MIOS: variants seen among roughly 807,000 people sequenced by gnomAD.
The protein encoded by MIOS is meiosis regulator for oocyte development.
Under a neutral mutation model 96.9 loss-of-function variants are expected in MIOS, and 52 were observed. The ratio of observed to expected loss-of-function variants is 0.54; its 90% CI spans 0.43 to 0.68. The LOEUF is 0.68. MIOS is among the 30% of genes least tolerant of loss of function. The pLI is 0.00. For missense variants in MIOS, 1,005 were observed against 1,052.8 expected (o/e 0.95, Z 0.63); for synonymous variants, 397 against 359.5 (o/e 1.10, Z -1.18).
chr7:7,580,288 C>T (rs1156985755), intron 5 of MIOS, among the ~76,000 whole-genome samples: 4 of 152,172 alleles, frequency 2.6e-5, no homozygotes, highest in Non-Finnish European at 5.9e-5. Flanking sequence ...AATCCACTTT[C>T]ATAAGCTAAA....
intron 5 of MIOS, among the ~76,000 whole-genome samples, chr7:7,580,448 A>G (rs1278418798): frequency 1.3e-5 from 2 of 152,196 alleles, no homozygotes; most frequent in Non-Finnish European, 2.9e-5. Context: ...ATAGTTTCCA[A>G]TAGTCAGGTT....
At chr7:7,586,696 G>C (rs995911399) in intron 7 of MIOS, among the ~76,000 whole-genome samples, 1 of 152,090 alleles carries the variant, frequency 6.6e-6, no homozygotes, top group Non-Finnish European at 1.5e-5. Flanking sequence ...TGCACTTTAT[G>C]TACTTTATTA....
rs184232278 is a variant in MIOS, at chr7:7,578,747, G to A, written c.1394-4371G>A. ...TTTTGGAGACAGAGTCTCTCTCTCT[G>A]TCACCCAGGCTGGAGTGCAGTGACA... On this transcript the variant is annotated intron_variant, in intron 5 of 12. Coordinates refer to ENST00000340080, the MANE Select transcript of MIOS (RefSeq NM_019005.4). 1.1e-4 allele frequency among the ~76,000 whole-genome samples: 16 copies of A among 151,634 alleles called. No homozygotes were observed. In the East Asian group the frequency reaches 3.1e-3, roughly 29 times the overall value.
At chr7:7,568,551 T>A (rs1333190727) in intron 3 of MIOS, among the ~76,000 whole-genome samples, 3 of 152,288 alleles carry the variant, frequency 2.0e-5, no homozygotes, top group African/African-American at 7.2e-5. Context: ...TCTTATGATG[T>A]GCAACCTGTG....
intron 6 of MIOS, among the ~76,000 whole-genome samples, chr7:7,585,017 C>T (rs1783841464): frequency 2.0e-5 from 3 of 152,202 alleles, no homozygotes; most frequent in Admixed American, 2.0e-4. Flanking sequence ...TGAAATATTA[C>T]TTTCTGCACT....
chr7:7,606,809 G>A (rs369422268), intron 12 of MIOS, among the ~76,000 whole-genome samples, 187 bp from the exon 13 acceptor site: 4 of 152,168 alleles, frequency 2.6e-5, no homozygotes, highest in South Asian at 2.1e-4. Context: ...TAAACAGGTG[G>A]GCACAGTGGT....
intron 11 of MIOS, among the ~76,000 whole-genome samples, chr7:7,599,941 A>G (rs1784321337): frequency 6.6e-6 from 1 of 152,098 alleles, no homozygotes; most frequent in South Asian, 2.1e-4. Flanking sequence ...AAAACCAAAT[A>G]CCACATGTTA....
intron 3 of MIOS, 149 bp downstream of exon 3, chr7:7,568,272 G>A (rs565714685): frequency 1.3e-5 from 2 of 152,320 alleles, no homozygotes; most frequent in South Asian, 4.1e-4. Flanking sequence ...GATGTGAAGA[G>A]CTCATTTCAG....
At position 7,572,641 on chromosome 7, in the gene MIOS, A is replaced by G. The variant is rs756618211; in HGVS notation, c.166A>G (p.Ile56Val). Reference sequence around the variant, plus strand: ...AGACTCTGCAGCTACATTACTGTCAATAAATTCAGATACACCCTATATGAA... The same window carrying G: ...AGACTCTGCAGCTACATTACTGTCAGTAAATTCAGATACACCCTATATGAA... ...SEDSAATLLSINSDTPYMKCV... is the reference protein window; with the variant it reads ...SEDSAATLLSVNSDTPYMKCV... Residue 56 changes from isoleucine (I) to valine (V), a missense_variant, in exon 4 of 13, where the codon ATA (isoleucine) becomes GTA (valine). Ile to Val is a conservative substitution (Grantham distance 29). Around this residue, in one of 3 missense-constraint regions of MIOS, gnomAD observed 137 missense variants for 148.6 expected, o/e 0.92. Transcript: ENST00000340080. The surrounding 1 kb of genome is among the most constrained non-coding windows in gnomAD (Gnocchi z 4.8). 6.2e-6 allele frequency: 10 copies of G among 1,614,068 alleles called. No homozygotes were observed. The highest frequency in any genetic ancestry group is 1.3e-5 in the African/African-American group (1 of 74,934).
chr7:7,597,246 A>T (rs925577202), intron 11 of MIOS, among the ~76,000 whole-genome samples: 2 of 151,294 alleles, frequency 1.3e-5, no homozygotes, highest in Admixed American at 1.3e-4. Context: ...GAATTGCTTG[A>T]ACCCGGGAGG....
chr7:7,569,671 C>A (rs1195381029), intron 3 of MIOS, among the ~76,000 whole-genome samples: 1 of 152,148 alleles, frequency 6.6e-6, no homozygotes, highest in African/African-American at 2.4e-5. Flanking sequence ...AGTGTATAAT[C>A]CAGTAGAAGA....
chr7:7,605,891 TAAATA>T (rs1563050363), intron 11 of MIOS, 46 bp from the exon 12 acceptor site: 3 of 1,516,218 alleles, frequency 2.0e-6, no homozygotes, highest in Admixed American at 1.9e-5. Context: ...AAAGTAACTT[TAAATA>T]AAATATTATG....
chr7:7,571,440 A>G (rs888163327), intron 3 of MIOS, among the ~76,000 whole-genome samples: 4 of 152,216 alleles, frequency 2.6e-5, no homozygotes, highest in Non-Finnish European at 5.9e-5. Context: ...CATAAACAGG[A>G]TGCTTTGTAG....
intron 11 of MIOS, among the ~76,000 whole-genome samples, chr7:7,602,022 AC>A (rs1430470251): frequency 3.9e-5 from 6 of 152,264 alleles, no homozygotes; most frequent in Admixed American, 6.5e-5. Flanking sequence ...AAATTCAACA[AC>A]CCTTCATGCT....
chr7:7,577,181 C>G (rs1473522540), intron 5 of MIOS, among the ~76,000 whole-genome samples: 2 of 152,058 alleles, frequency 1.3e-5, no homozygotes, highest in East Asian at 3.9e-4. Context: ...GGAGAAAGAT[C>G]TATATGACAA....
chr7:7,577,204 C>A (rs1260789909), intron 5 of MIOS, among the ~76,000 whole-genome samples: 1 of 152,174 alleles, frequency 6.6e-6, no homozygotes, highest in Admixed American at 6.5e-5. Context: ...ACCGCAATCA[C>A]TTTTGTACCA....
At chr7:7,583,416 TAGC>T in intron 6 of MIOS, 44 bp downstream of exon 6, 1 of 1,487,268 alleles carries the variant, frequency 6.7e-7, no homozygotes. Context: ...TCTAAGATGT[TAGC>T]AGTTCATGGA....
intron 11 of MIOS, among the ~76,000 whole-genome samples, chr7:7,603,793 C>G (rs1204029735): frequency 6.6e-6 from 1 of 151,944 alleles, no homozygotes; most frequent in Admixed American, 6.6e-5. Context: ...TTCACAATAG[C>G]AAAGACTTGG....
intron 9 of MIOS, among the ~76,000 whole-genome samples, chr7:7,592,766 C>G (rs539541716): frequency 6.6e-6 from 1 of 152,262 alleles, no homozygotes; most frequent in Non-Finnish European, 1.5e-5. Flanking sequence ...AGGCAGAGCT[C>G]AGGCACTAAT....
Sources: allele counts gnomAD v4.1 joint callset (sites outside exome capture counted in the v4.1 genomes callset), GRCh38; gene constraint gnomAD v4.1.1; regional missense constraint gnomAD v4.1.1; non-coding constraint Gnocchi (gnomAD v3.1); transcripts MANE v1.5; gene names NCBI Gene and HGNC (gene_info 2026-07-23, HGNC 2026-07-21).